Variants in PIEZO2 observed in about 807,000 individuals in gnomAD.
PIEZO2 encodes piezo type mechanosensitive ion channel component 2.
PIEZO2 carries 172 observed loss-of-function variants against 337.3 expected under a neutral mutation model. The observed-to-expected ratio is 0.51, with a 90% confidence interval of 0.45 to 0.58. PIEZO2 has a LOEUF of 0.58. Among genes scored for constraint, PIEZO2 ranks in the 20% least tolerant of loss-of-function variants. The pLI is 0.00. For synonymous variants in PIEZO2, 1,251 were observed against 1,228.5 expected, an observed-to-expected ratio of 1.02 and a Z score of -0.38; for missense variants, 3,028 against 3,391.3, an observed-to-expected ratio of 0.89 and a Z score of 2.66.
rs372748367 is a variant in PIEZO2, at chr18:10,718,978, A to AAAATAAAT, written c.5030-727_5030-720dup. On this transcript the variant is annotated intron_variant, in intron 36 of 55. Coordinates refer to ENST00000674853, the MANE Select transcript of PIEZO2 (RefSeq NM_001378183.1). ...TGGGCAAAAGAGTGAGACCTTGTCTAAAATAAATAAATAAATAAATAAATA... is the reference window on the plus strand; with the variant it reads ...TGGGCAAAAGAGTGAGACCTTGTCTAAAATAAATAAATAAATAAATAAATAAATAAATA... Among the ~76,000 whole-genome samples the AAAATAAAT allele has an allele frequency of 4.7e-3, 667 of 143,036 alleles. 5 individuals are homozygous for AAAATAAAT. Among genetic ancestry groups the AAAATAAAT allele is most frequent in the East Asian group, 9.5e-3 (48 of 5,052 alleles). The allele number at this position is 143,036 out of a possible 152,430, so 93.8% of individuals were successfully genotyped here. A position where few individuals can be genotyped will look rare whatever the true frequency, so the allele number is the denominator to read the frequency against.
At chr18:10,937,279 A>G (rs1381816918) in intron 3 of PIEZO2, among the ~76,000 whole-genome samples, 1 of 152,088 alleles carries the variant, frequency 6.6e-6, no homozygotes, top group East Asian at 1.9e-4. Context: ...TAGCAAACAC[A>G]AGGAGGTTTC....
intron 4 of PIEZO2, chr18:10,893,763 T>C (rs1468433274): frequency 6.6e-6 from 1 of 152,070 alleles, no homozygotes; most frequent in Non-Finnish European, 1.5e-5. Context: ...GAATGTTCAG[T>C]AACAGCTAAC....
At chr18:10,692,277 G>A (rs1204275475) in intron 47 of PIEZO2, among the ~76,000 whole-genome samples, 3 of 152,174 alleles carry the variant, frequency 2.0e-5, no homozygotes. Flanking sequence ...TTCTCCAAAT[G>A]TCTTAAACAT....
rs1405037229 is a variant in PIEZO2, at chr18:11,116,857, C to T, written c.64+31668G>A. Among the ~76,000 whole-genome samples, 2 of 152,112 alleles carry T rather than the reference C, an allele frequency of 1.3e-5. No individual in the cohort carries two copies. Among genetic ancestry groups the T allele is most frequent in the African/African-American group, 2.4e-5 (1 of 41,406 alleles). On this transcript the variant is annotated intron_variant, in intron 1 of 55. Coordinates refer to ENST00000674853, the MANE Select transcript of PIEZO2 (RefSeq NM_001378183.1). The surrounding 1 kb of genome is among the most constrained non-coding windows in gnomAD (Gnocchi z 5.0). ...GGCACGGTGGCTCACACCTGTAATCCCAGCACTCTGTGAGGCCAAGGCAGG... is the reference window on the plus strand; with the variant it reads ...GGCACGGTGGCTCACACCTGTAATCTCAGCACTCTGTGAGGCCAAGGCAGG...
chr18:10,725,202 G>C lies in PIEZO2; in HGVS notation c.5029+6205C>G, dbSNP rs2036483341. 1.9e-6 allele frequency: 3 copies of C among 1,556,480 alleles called. No individual in the cohort carries two copies. The African/African-American group carries it at 4.1e-5, about 21-fold the overall frequency. On this transcript the variant is annotated intron_variant, in intron 36 of 55. Transcript: ENST00000674853. ...TCCATCAGGCAGTTGGCATCATTGA[G>C]GCTGTTCTGGAGAAGTTTGGAACCT... is the stretch of plus-strand genomic sequence containing the variant.
chr18:10,912,052 A>G (rs566165745), intron 3 of PIEZO2, among the ~76,000 whole-genome samples: 71 of 152,206 alleles, frequency 4.7e-4, no homozygotes, highest in African/African-American at 1.6e-3. Context: ...CAGAATTCAC[A>G]TATTCTTTTT....
intron 2 of PIEZO2, among the ~76,000 whole-genome samples, chr18:11,056,916 G>A (rs1008005061): frequency 6.6e-6 from 1 of 152,168 alleles, no homozygotes; most frequent in Non-Finnish European, 1.5e-5. Flanking sequence ...CTTTTCAGTT[G>A]GTTTCAGCAG....
At chr18:10,703,103 C>G (rs60193442) in intron 42 of PIEZO2, among the ~76,000 whole-genome samples, 10,323 of 152,256 alleles carry the variant, frequency 0.068, 597 homozygotes, top group East Asian at 0.22. Flanking sequence ...ATCCTCCTGC[C>G]TTGGCCTCTT....
Position 11,109,912 on chromosome 18 carries a change from G to C in PIEZO2, c.64+38613C>G, listed in dbSNP as rs530945105. ...TTATTATAGTCATCTAAAGTGGAAC[G>C]GAAGAATTTATTTTTTAATCAGAAG... On this transcript the variant is annotated intron_variant, in intron 1 of 55. Coordinates refer to ENST00000674853, the MANE Select transcript of PIEZO2 (RefSeq NM_001378183.1). This position sits in a 1 kb window ranked among gnomAD's most constrained non-coding sequence, Gnocchi z 5.1. Among the ~76,000 whole-genome samples the C allele has an allele frequency of 6.6e-6, 1 of 152,210 alleles. No individual in the cohort carries two copies.
intron 1 of PIEZO2, among the ~76,000 whole-genome samples, chr18:11,088,741 C>T (rs2038983429): frequency 6.6e-6 from 1 of 152,108 alleles, no homozygotes; most frequent in Non-Finnish European, 1.5e-5. Context: ...ACCATTAGCA[C>T]CCTATCTCCC....
intron 4 of PIEZO2, among the ~76,000 whole-genome samples, chr18:10,873,884 A>G (rs1048646298): frequency 2.0e-5 from 3 of 152,160 alleles, no homozygotes; most frequent in African/African-American, 7.2e-5. Context: ...AACACTGTGG[A>G]AACATTTCAG....
intron 3 of PIEZO2, among the ~76,000 whole-genome samples, chr18:10,970,272 G>A (rs2034181011): frequency 6.6e-6 from 1 of 152,164 alleles, no homozygotes; most frequent in African/African-American, 2.4e-5. Flanking sequence ...CAAAGGCATG[G>A]CCAGGCAATA....
intron 36 of PIEZO2, among the ~76,000 whole-genome samples, chr18:10,720,234 G>GTGTGTGTGTGTATATATATATATA (rs1225106343): frequency 8.3e-6 from 1 of 119,920 alleles, no homozygotes; most frequent in Non-Finnish European, 1.7e-5. Flanking sequence ...GTGTGTGTGT[G>GTGTGTGTGTGTATATATATATATA]TATATATATA....
Position 10,784,723 on chromosome 18 carries a change from G to A in PIEZO2, c.2492+61C>T. ...GCTTCTCGCAAGGTGGCCAACCTAA[G>A]GTAGGGTTGAAGAGCTGCCTTCCTG... On this transcript the variant is annotated intron_variant, in intron 17 of 55. Coordinates refer to ENST00000674853, the MANE Select transcript of PIEZO2 (RefSeq NM_001378183.1). This position sits in a 1 kb window ranked among gnomAD's most constrained non-coding sequence, Gnocchi z 4.5. The A allele has an allele frequency of 7.6e-7, 1 of 1,312,882 alleles. No individual in the cohort carries two copies. Among genetic ancestry groups the A allele is most frequent in the Non-Finnish European group, 9.7e-7 (1 of 1,028,066 alleles). The allele number at this position is 1,312,882 out of a possible 1,614,324, so 81.3% of individuals were successfully genotyped here.
intron 1 of PIEZO2, among the ~76,000 whole-genome samples, chr18:11,091,850 A>T (rs1372279534): frequency 2.6e-5 from 4 of 152,220 alleles, no homozygotes; most frequent in Non-Finnish European, 4.4e-5. Flanking sequence ...CCAACTCAAG[A>T]CCACAAGTCA....
At position 10,857,035 on chromosome 18, in the gene PIEZO2, C is replaced by T. The variant is rs1328362771; in HGVS notation, c.669G>A (p.Gly223=). ...EFIGNMITTA[G]KVVVTILLGS... is the part of the protein sequence containing the mutation. ...CCAGTAAGATGGTAACAACGACTTT[C>T]CCAGCAGTGGTGATCATGTTGCCAA... The change falls in exon 6 of 56, where the codon GGG becomes GGA. Residue 223 remains glycine (G), a synonymous_variant. Transcript: ENST00000674853. The T allele has an allele frequency of 6.5e-7, 1 of 1,537,230 alleles. No homozygotes were observed. The highest frequency in any genetic ancestry group is 8.7e-7 in the Non-Finnish European group (1 of 1,146,942).
At chr18:11,071,251 A>C (rs1471053086) in intron 1 of PIEZO2, among the ~76,000 whole-genome samples, 1 of 152,226 alleles carries the variant, frequency 6.6e-6, no homozygotes, top group Non-Finnish European at 1.5e-5. Flanking sequence ...AGGCAAATAT[A>C]GGTGATCTGC....
At chr18:10,836,636 T>C (rs577572948) in intron 7 of PIEZO2, among the ~76,000 whole-genome samples, 2 of 152,332 alleles carry the variant, frequency 1.3e-5, no homozygotes, top group East Asian at 1.9e-4. Flanking sequence ...CCTATAATAG[T>C]TGGTCAAGAA....
At position 10,724,622 on chromosome 18, in the gene PIEZO2, T is replaced by G; in HGVS notation, c.5030-6363A>C. The G allele has an allele frequency of 1.5e-6, 1 of 673,588 alleles. No individual in the cohort carries two copies. Among genetic ancestry groups the G allele is most frequent in the South Asian group, 1.9e-5 (1 of 51,686 alleles). The allele number at this position is 673,588 out of a possible 1,614,324, so 41.7% of individuals were successfully genotyped here. On this transcript the variant is annotated intron_variant, in intron 36 of 55. Transcript: ENST00000674853. The surrounding 1 kb of genome is among the most constrained non-coding windows in gnomAD (Gnocchi z 5.8). ...GGATGTGACCCCCAAGACAGAATGG[T>G]GCTGGACTCGGGGTCTCAGGCGTAT...
Sources: gnomAD v4.1 joint callset for allele counts (sites outside exome capture counted in the v4.1 genomes callset) on GRCh38, gnomAD v4.1.1 for gene constraint, Gnocchi (gnomAD v3.1) non-coding constraint, MANE v1.5 for transcripts, NCBI Gene and HGNC (gene_info 2026-07-23, HGNC 2026-07-21) for gene names.